POU2F2: variants seen among roughly 807,000 people sequenced by gnomAD.
POU2F2 encodes POU domain, class 2, transcription factor 2.
POU2F2 carries 14 observed loss-of-function variants against 63.5 expected under a neutral mutation model. That is an observed-to-expected ratio of 0.22 (90% CI 0.15 to 0.34). POU2F2 has a LOEUF of 0.34. Ranked by LOEUF, POU2F2 falls within the 10% of genes least tolerant of loss-of-function variation. POU2F2 has a pLI of 1.00. For synonymous variants in POU2F2, 306 were observed against 348.6 expected, an observed-to-expected ratio of 0.88 and a Z score of 1.36; for missense variants, 607 against 815.2, an observed-to-expected ratio of 0.74 and a Z score of 3.11.
rs2076568136 is a variant in POU2F2, at chr19:42,086,985, A to C, written c.*4272T>G. The C allele has an allele frequency of 6.6e-6, 1 of 152,138 alleles. No individual in the cohort carries two copies. Among genetic ancestry groups the C allele is most frequent in the Non-Finnish European group, 1.5e-5 (1 of 68,036 alleles). The allele number at this position is 152,138 out of a possible 1,614,324, so 9.4% of individuals were successfully genotyped here. A position where few individuals can be genotyped will look rare whatever the true frequency, so the allele number is the denominator to read the frequency against. On this transcript the variant is annotated 3_prime_UTR_variant, in exon 15 of 15. Coordinates refer to ENST00000692977, the MANE Select transcript of POU2F2 (RefSeq NM_001394376.1). ...TTTTTTCTTTGTTTCCGCCTTTGTC[A>C]TCGTCGTCTTGCTTTGGAGACTGCT...
chr19:42,142,539 T>A (rs979856889), intron 2 of POU2F2, among the ~76,000 whole-genome samples: 1 of 150,106 alleles, frequency 6.7e-6, no homozygotes, highest in Non-Finnish European at 1.5e-5. Flanking sequence ...GGTGGGGGTT[T>A]GGGGTTTGGG....
At chr19:42,099,422 G>T in intron 7 of POU2F2, 105 bp downstream of exon 7, 1 of 1,007,504 alleles carries the variant, frequency 9.9e-7, no homozygotes, top group Non-Finnish European at 1.5e-6. Context: ...AGTGTGGCTG[G>T]GTCAAATGGA....
upstream of POU2F2, among the ~76,000 whole-genome samples, chr19:42,197,597 T>C (rs2035166115): frequency 6.6e-6 from 1 of 151,944 alleles, no homozygotes; most frequent in Non-Finnish European, 1.5e-5. Flanking sequence ...ACCCTGAATA[T>C]TGAGTAAGAG....
At chr19:42,110,586 C>G (rs994441190) in intron 5 of POU2F2, 1 of 275,318 alleles carries the variant, frequency 3.6e-6, no homozygotes, top group Non-Finnish European at 7.5e-6. Flanking sequence ...CACTTTCCCT[C>G]TGGGCCCCAG....
At chr19:42,134,222 G>A (rs1266072789), upstream of POU2F2, among the ~76,000 whole-genome samples, 1 of 148,682 alleles carries the variant, frequency 6.7e-6, no homozygotes, top group African/African-American at 2.5e-5. Context: ...TTATGGGGGG[G>A]GGCAAAACCT....
chr19:42,116,588 T>A (rs1228425994), intron 5 of POU2F2: 1 of 189,334 alleles, frequency 5.3e-6, no homozygotes, highest in Non-Finnish European at 1.1e-5. Context: ...TGCTAGGAAC[T>A]GCCTGGCATG....
At chr19:42,094,481 G>A (rs2076845920) in intron 11 of POU2F2, among the ~76,000 whole-genome samples, 1 of 152,114 alleles carries the variant, frequency 6.6e-6, no homozygotes, top group Admixed American at 6.5e-5. Context: ...CTCACTAAAT[G>A]TGACTCTCTC....
At chr19:42,099,941 A>G (rs2077067152) in intron 5 of POU2F2, 120 bp from the exon 6 acceptor site, 1 of 775,544 alleles carries the variant, frequency 1.3e-6, no homozygotes, top group Non-Finnish European at 2.1e-6. Context: ...GCGATCTGGC[A>G]CTGGGCAGTG....
intron 1 of POU2F2, among the ~76,000 whole-genome samples, chr19:42,191,182 C>G (rs889259945): frequency 2.0e-5 from 3 of 152,122 alleles, no homozygotes; most frequent in African/African-American, 7.2e-5. Flanking sequence ...CTTCTCTACC[C>G]ATATGGGTGG....
In POU2F2 at chr19:42,169,737, C is replaced by T. The variant is rs1440622998; in HGVS notation, c.-70+6226G>A. Among the ~76,000 whole-genome samples, 1 of 152,076 alleles carries T rather than the reference C, an allele frequency of 6.6e-6. No individual in the cohort carries two copies. Among genetic ancestry groups the T allele is most frequent in the Non-Finnish European group, 1.5e-5 (1 of 68,010 alleles). On this transcript the variant is annotated intron_variant, in intron 1 of 6. Coordinates refer to the POU2F2 transcript ENST00000524801. This position sits in a 1 kb window ranked among gnomAD's most constrained non-coding sequence, Gnocchi z 4.3. ...GCCTCTCTAGTTTGGCGAATGAGTGCGCGCACACGTGTGTGTGTGCGTGTG... is the reference window on the plus strand; with the variant it reads ...GCCTCTCTAGTTTGGCGAATGAGTGTGCGCACACGTGTGTGTGTGCGTGTG...
At chr19:42,113,481 C>T (rs1404477976) in intron 5 of POU2F2, among the ~76,000 whole-genome samples, 3 of 152,220 alleles carry the variant, frequency 2.0e-5, no homozygotes, top group African/African-American at 7.2e-5. Flanking sequence ...AACTGTTTAA[C>T]CAGCATTTAC....
At chr19:42,179,323 A>G (rs2034933938), upstream of POU2F2, among the ~76,000 whole-genome samples, 1 of 152,144 alleles carries the variant, frequency 6.6e-6, no homozygotes, top group Non-Finnish European at 1.5e-5. Context: ...TGCCAGGCAC[A>G]TTATGGCTTG....
chr19:42,168,538 C>A (rs758955725), intron 1 of POU2F2, among the ~76,000 whole-genome samples: 1 of 152,172 alleles, frequency 6.6e-6, no homozygotes, highest in Non-Finnish European at 1.5e-5. Context: ...ACCTTATCAC[C>A]CTCTCCATGT....
Position 42,155,160 on chromosome 19 carries a change from C to G in POU2F2, c.-9+5172G>C, listed in dbSNP as rs1012416046. 1.3e-5 allele frequency among the ~76,000 whole-genome samples: 2 copies of G among 152,208 alleles called. No individual in the cohort carries two copies. Among genetic ancestry groups the G allele is most frequent in the Non-Finnish European group, 2.9e-5 (2 of 68,032 alleles). On this transcript the variant is annotated intron_variant, in intron 2 of 6. Coordinates refer to the POU2F2 transcript ENST00000524801. The surrounding 1 kb of genome is among the most constrained non-coding windows in gnomAD (Gnocchi z 4.2). Reference sequence around the variant, plus strand: ...AGCTGCCCCGCACTGTTTTTTCTTTCTCATTGTCCCCTGCCTTCAGCCCGG... The same window carrying G: ...AGCTGCCCCGCACTGTTTTTTCTTTGTCATTGTCCCCTGCCTTCAGCCCGG...
chr19:42,163,392 T>C (rs1223722903), intron 1 of POU2F2, among the ~76,000 whole-genome samples: 1 of 151,792 alleles, frequency 6.6e-6, no homozygotes, highest in Non-Finnish European at 1.5e-5. Context: ...CCTGACCACT[T>C]AACCTATTGA....
intron 1 of POU2F2, among the ~76,000 whole-genome samples, chr19:42,195,330 C>T (rs147153952): frequency 0.02 from 2,539 of 125,182 alleles, 91 homozygotes; most frequent in African/African-American, 0.066. Flanking sequence ...CCCTCTTTTT[C>T]TTTTTTTTTT....
At chr19:42,121,220 G>T (rs2032570971) in intron 4 of POU2F2, among the ~76,000 whole-genome samples, 1 of 152,162 alleles carries the variant, frequency 6.6e-6, no homozygotes, top group Non-Finnish European at 1.5e-5. Context: ...GAGGGTCAAG[G>T]AGGTCAAGAT....
chr19:42,111,803 T>C (rs1039555652), intron 5 of POU2F2, among the ~76,000 whole-genome samples: 5 of 151,912 alleles, frequency 3.3e-5, no homozygotes, highest in African/African-American at 1.2e-4. Flanking sequence ...TCTACTCTTA[T>C]CCCCTGCAGT....
At chr19:42,151,204 T>C (rs1436711359) in intron 2 of POU2F2, among the ~76,000 whole-genome samples, 4 of 150,648 alleles carry the variant, frequency 2.7e-5, no homozygotes, top group African/African-American at 7.4e-5. Flanking sequence ...CTTGTCTCTT[T>C]CCCCTCCCCC....
Sources: gnomAD v4.1 joint callset for allele counts (sites outside exome capture counted in the v4.1 genomes callset) on GRCh38, gnomAD v4.1.1 for gene constraint, Gnocchi (gnomAD v3.1) non-coding constraint, MANE v1.5 for transcripts, NCBI Gene and HGNC (gene_info 2026-07-23, HGNC 2026-07-21) for gene names.